Variants in NRP1 observed in about 807,000 individuals in gnomAD.
NRP1 encodes the protein neuropilin-1.
NRP1 carries 35 observed loss-of-function variants against 106.7 expected under a neutral mutation model. That is an observed-to-expected ratio of 0.33 (90% CI 0.25 to 0.43). The LOEUF is 0.43. Among genes scored for constraint, NRP1 ranks in the 20% least tolerant of loss-of-function variants. The probability of loss-of-function intolerance (pLI) is 1.00; values close to 1 mark genes in which losing one functional copy is unlikely to be tolerated. For synonymous variants in NRP1, 437 were observed against 417.9 expected, an observed-to-expected ratio of 1.05 and a Z score of -0.56; for missense variants, 1,024 against 1,170.4, an observed-to-expected ratio of 0.87 and a Z score of 1.83.
In NRP1 at chr10:33,203,120, T is replaced by C. The variant is rs1837475513; in HGVS notation, c.1760-125A>G. 4 of 873,244 alleles carry C rather than the reference T, an allele frequency of 4.6e-6. No homozygotes were observed. The South Asian group carries it at 5.4e-5, about 12-fold the overall frequency. The allele number at this position is 873,244 out of a possible 1,614,324, so 54.1% of individuals were successfully genotyped here. A position where few individuals can be genotyped will look rare whatever the true frequency, so the allele number is the denominator to read the frequency against. On this transcript the variant is annotated intron_variant, in intron 10 of 16. Transcript: ENST00000374867. ...TGCGGTAAGAAGACCAGGGGCATGG[T>C]TTGCCTCTCTTTCAGGAGCTAGATA...
Position 33,254,099 on chromosome 10 carries a change from C to G in NRP1, c.910G>C (p.Glu304Gln). The change falls in exon 6 of 17, where the codon GAG becomes CAG. Residue 304 changes from glutamate (E) to glutamine (Q), a missense_variant. Glu to Gln is a conservative substitution (Grantham distance 29, BLOSUM62 2). This residue lies in a region of NRP1 where 562 missense variants were observed against 620.3 expected (regional missense o/e 0.91). Coordinates refer to ENST00000374867, the MANE Select transcript of NRP1 (RefSeq NM_003873.7). ...TCAGGGTAGTTCAGGCGGGAGCGCT[C>G]TGCAGACCAGTTGGTGCTATACTGG... ...SSQYSTNWSAERSRLNYPENG... is the reference protein window; with the variant it reads ...SSQYSTNWSAQRSRLNYPENG... 6.2e-7 allele frequency: 1 copy of G among 1,614,086 alleles called. No individual in the cohort carries two copies. Among genetic ancestry groups the G allele is most frequent in the Non-Finnish European group, 8.5e-7 (1 of 1,180,022 alleles).
At chr10:33,244,220 T>C (rs17413169) in intron 6 of NRP1, among the ~76,000 whole-genome samples, 30,124 of 152,048 alleles carry the variant, frequency 0.2, 3,437 homozygotes, top group Middle Eastern at 0.26. Context: ...GAAGAACACA[T>C]ATTTTTTTGC....
At chr10:33,326,050 T>C (rs1219016348) in intron 2 of NRP1, among the ~76,000 whole-genome samples, 1 of 152,234 alleles carries the variant, frequency 6.6e-6, no homozygotes, top group East Asian at 1.9e-4. Flanking sequence ...CCAATGTCTG[T>C]GAAATTTTTA....
chr10:33,206,402 A>G (rs1490791484), intron 10 of NRP1: 1 of 498,748 alleles, frequency 2.0e-6, no homozygotes, highest in Non-Finnish European at 4.0e-6. Flanking sequence ...GGAAACAACC[A>G]CACGGTGAAG....
intron 7 of NRP1, among the ~76,000 whole-genome samples, chr10:33,222,535 A>ATTTATTTATTTATTTTTTTT (rs1213013370): frequency 8.3e-6 from 1 of 120,136 alleles, no homozygotes; most frequent in Non-Finnish European, 1.8e-5. Context: ...TTATTTATTT[A>ATTTATTTATTTATTTTTTTT]TTTAAGATGG....
At chr10:33,254,358 G>GC (rs1202901333) in intron 5 of NRP1, among the ~76,000 whole-genome samples, 164 bp from the exon 6 acceptor site, 2 of 152,014 alleles carry the variant, frequency 1.3e-5, no homozygotes, top group African/African-American at 4.8e-5. Context: ...GATTTTCATG[G>GC]CAATATTTAA....
At chr10:33,264,395 C>T (rs912120919) in intron 3 of NRP1, among the ~76,000 whole-genome samples, 2 of 152,138 alleles carry the variant, frequency 1.3e-5, no homozygotes, top group East Asian at 1.9e-4. Context: ...AAAGGTAATT[C>T]GTACATGTAC....
chr10:33,270,357 C>T (rs900638664), intron 3 of NRP1, among the ~76,000 whole-genome samples: 15 of 148,256 alleles, frequency 1.0e-4, no homozygotes, highest in Middle Eastern at 3.6e-3. Flanking sequence ...GACAGAGTCT[C>T]GCTCTGTTGC....
At chr10:33,332,553 C>A (rs1015559752) in intron 1 of NRP1, among the ~76,000 whole-genome samples, 1 of 152,186 alleles carries the variant, frequency 6.6e-6, no homozygotes, top group East Asian at 1.9e-4. Context: ...GCTCTTTAAT[C>A]TGTGACTTCT....
Position 33,178,752 on chromosome 10 carries a change from T to C in NRP1, c.*1324A>G, listed in dbSNP as rs1835509992. 1 of 152,642 alleles carries C rather than the reference T, an allele frequency of 6.6e-6. No homozygotes were observed. The highest frequency in any genetic ancestry group is 2.4e-5 in the African/African-American group (1 of 41,450). 9.5% of individuals were successfully genotyped at this position (152,642 alleles called of 1,614,324 possible). On this transcript the variant is annotated 3_prime_UTR_variant, in exon 17 of 17. Coordinates refer to ENST00000374867, the MANE Select transcript of NRP1 (RefSeq NM_003873.7). ...ATTTCTTTCCTCAACTTATCACTAT[T>C]TCTACTAAATGCCAACATTTCTATC...
intron 2 of NRP1, among the ~76,000 whole-genome samples, chr10:33,287,115 T>C (rs950438750): frequency 1.7e-4 from 26 of 152,280 alleles, no homozygotes; most frequent in South Asian, 1.5e-3. Context: ...CCAACGAACA[T>C]ACACTCAAAA....
At chr10:33,317,940 T>C (rs1847156512) in intron 2 of NRP1, among the ~76,000 whole-genome samples, 2 of 152,236 alleles carry the variant, frequency 1.3e-5, no homozygotes, top group African/African-American at 4.8e-5. Flanking sequence ...TATTTATAAG[T>C]GTCTCCTCCT....
intron 11 of NRP1, among the ~76,000 whole-genome samples, chr10:33,199,955 TA>T (rs761610371): frequency 4.6e-5 from 7 of 152,226 alleles, no homozygotes; most frequent in Non-Finnish European, 8.8e-5. Flanking sequence ...ATTTCTAGGC[TA>T]ATCAACTGCA....
At chr10:33,194,615 C>A (rs960167162) in intron 12 of NRP1, 4 of 440,374 alleles carry the variant, frequency 9.1e-6, no homozygotes, top group Non-Finnish European at 1.9e-5. Context: ...TACATTTAAC[C>A]AGGTGAACCG....
Position 33,207,673 on chromosome 10 carries a change from G to A in NRP1, c.1658C>T (p.Thr553Ile), listed in dbSNP as rs778076075. The A allele has an allele frequency of 1.9e-6, 3 of 1,614,096 alleles. No individual in the cohort carries two copies. In the Admixed American group the frequency reaches 5.0e-5, roughly 27 times the overall value. The change falls in exon 10 of 17, where the codon ACT (threonine) becomes ATT (isoleucine). Residue 553 changes from threonine (T) to isoleucine (I), a missense_variant. Thr to Ile is a moderately conservative substitution (Grantham distance 89). Transcript: ENST00000374867. ...GAATCGCGTGGAGAGAGCTGGAAAA[G>A]TCCGCAGCTCAGGTGTATCATAGTT... is the stretch of plus-strand genomic sequence containing the variant. The part of the protein sequence containing the change: ...NNNYDTPELR[T>I]FPALSTRFIR...
rs980381168 is a variant in NRP1, at chr10:33,195,893, G to A, written c.1924+1757C>T. Among the ~76,000 whole-genome samples the A allele has an allele frequency of 5.9e-5, 9 of 152,116 alleles. No homozygotes were observed. The East Asian group carries it at 1.7e-3, about 29-fold the overall frequency. On this transcript the variant is annotated intron_variant, in intron 12 of 16. Transcript: ENST00000374867. Reference sequence around the variant, plus strand: ...GACCACCCCTGATCAGTAGACCCGCGTGGTTTGGATTGAACTTGTTCAGAT... The same window carrying A: ...GACCACCCCTGATCAGTAGACCCGCATGGTTTGGATTGAACTTGTTCAGAT...
In NRP1 at chr10:33,213,570, G is replaced by T. The variant is rs1230932764; in HGVS notation, c.1430C>A (p.Pro477His). Residue 477 changes from proline to histidine, a missense_variant, in exon 9 of 17, where the codon CCT becomes CAT. Pro to His is a moderately conservative substitution (Grantham distance 77). Coordinates refer to ENST00000374867, the MANE Select transcript of NRP1 (RefSeq NM_003873.7). ...GAGCCACTCATTGATGTAGGAATGAGGTGCGGGTGGAAGTGCCCAGCCAGA... is the reference window on the plus strand; with the variant it reads ...GAGCCACTCATTGATGTAGGAATGATGTGCGGGTGGAAGTGCCCAGCCAGA... ...SRSGWALPPA[P>H]HSYINEWLQI... 7 of 1,613,936 alleles carry T rather than the reference G, an allele frequency of 4.3e-6. No homozygotes were observed. The highest frequency in any genetic ancestry group is 3.3e-4 in the Middle Eastern group (2 of 6,084).
intron 2 of NRP1, among the ~76,000 whole-genome samples, chr10:33,276,002 A>T (rs1301184406): frequency 6.6e-6 from 1 of 152,188 alleles, no homozygotes. Context: ...GAAAAATCAG[A>T]ATATAAAACC....
chr10:33,251,267 A>C (rs1243862287), intron 6 of NRP1, among the ~76,000 whole-genome samples: 1 of 151,802 alleles, frequency 6.6e-6, no homozygotes, highest in East Asian at 1.9e-4. Flanking sequence ...CATGATCTTA[A>C]CTTTCCTGCT....
Sources: allele counts gnomAD v4.1 joint callset (sites outside exome capture counted in the v4.1 genomes callset), GRCh38; gene constraint gnomAD v4.1.1; regional missense constraint gnomAD v4.1.1; transcripts MANE v1.5; gene names NCBI Gene and HGNC (gene_info 2026-07-23, HGNC 2026-07-21).